Variants in TMPRSS6 observed in about 807,000 individuals in gnomAD.
The protein encoded by TMPRSS6 is transmembrane serine protease 6.
TMPRSS6 carries 67 observed loss-of-function variants against 101.5 expected under a neutral mutation model. The observed-to-expected ratio is 0.66, with a 90% CI of 0.54 to 0.81. The LOEUF (loss-of-function observed/expected upper bound fraction) is 0.81. TMPRSS6 is among the 30% of genes least tolerant of loss of function. The probability of loss-of-function intolerance (pLI) is 0.00; values close to 1 mark genes in which losing one functional copy is unlikely to be tolerated. For missense variants in TMPRSS6, 1,034 were observed against 1,088.7 expected (o/e 0.95, Z 0.71); for synonymous variants, 453 against 464.9 (o/e 0.97, Z 0.33).
chr22:37,086,746 A>G (rs1928820351), intron 7 of TMPRSS6, among the ~76,000 whole-genome samples: 1 of 151,928 alleles, frequency 6.6e-6, no homozygotes, highest in South Asian at 2.1e-4. Context: ...CCACCCTGCT[A>G]CAGAATCATC....
rs767201560 is a variant in TMPRSS6 at position 37,066,960 on chromosome 22, G to A, written c.2116C>T (p.Pro706Ser). The change falls in exon 17 of 18, where the codon CCC (proline) becomes TCC (serine). Residue 706 changes from proline to serine, a missense_variant and splice_region_variant. Pro to Ser is a moderately conservative substitution (Grantham distance 74). Coordinates refer to ENST00000676104, the MANE Select transcript of TMPRSS6 (RefSeq NM_001374504.1). ...TGWGALREGGPISNALQKVDV... is the reference protein window; with the variant it reads ...TGWGALREGGSISNALQKVDV... The stretch of plus-strand genomic sequence containing the variant: ...ACTTTCTGCAGAGCGTTGCTGATGG[G>A]GCCTGTCCGTGGTCAAGGGCAGAAG... 3 of 1,613,982 alleles carry A rather than the reference G, an allele frequency of 1.9e-6. No homozygotes were observed. The highest frequency in any genetic ancestry group is 2.2e-5 in the East Asian group (1 of 44,888).
intron 6 of TMPRSS6, among the ~76,000 whole-genome samples, chr22:37,092,155 C>T (rs955488130): frequency 1.1e-4 from 16 of 148,240 alleles, no homozygotes; most frequent in Admixed American, 2.7e-4. Context: ...TAATCAGAAA[C>T]ACCTTCAGGG....
At chr22:37,075,856 C>T (rs774399089) in intron 10 of TMPRSS6, among the ~76,000 whole-genome samples, 4 of 151,478 alleles carry the variant, frequency 2.6e-5, no homozygotes, top group Non-Finnish European at 5.9e-5. Context: ...GAGCCGAGAT[C>T]GTGCCATTGC....
intron 8 of TMPRSS6, among the ~76,000 whole-genome samples, chr22:37,085,479 C>T (rs1928664716): frequency 6.6e-6 from 1 of 152,178 alleles, no homozygotes; most frequent in Non-Finnish European, 1.5e-5. Context: ...GGCTGGGACC[C>T]TGAGTGGGAG....
intron 1 of TMPRSS6, among the ~76,000 whole-genome samples, chr22:37,109,007 C>T (rs1930895859): frequency 6.6e-6 from 1 of 152,114 alleles, no homozygotes; most frequent in Non-Finnish European, 1.5e-5. Context: ...AGATGCACGC[C>T]CTTCCTACAC....
At chr22:37,075,978 AAAGAAAGAAAGAGAAAGAAAGG>A (rs1350440741) in intron 10 of TMPRSS6, among the ~76,000 whole-genome samples, 1 of 149,040 alleles carries the variant, frequency 6.7e-6, no homozygotes, top group Non-Finnish European at 1.5e-5. Flanking sequence ...AGGGAAAAAG[AAAGAAAGAAAGAGAAAGAAAGG>A]AAGAAAGAAA....
intron 6 of TMPRSS6, among the ~76,000 whole-genome samples, chr22:37,092,406 C>T (rs1929348284): frequency 6.6e-6 from 1 of 152,220 alleles, no homozygotes; most frequent in South Asian, 2.1e-4. Flanking sequence ...CAGCTCATTG[C>T]AGCCTCGACC....
Position 37,096,072 on chromosome 22 carries a change from G to T in TMPRSS6, c.423C>A (p.Cys141Ter). 1 of 1,614,198 alleles carries T rather than the reference G, an allele frequency of 6.2e-7. No homozygotes were observed. Among genetic ancestry groups the T allele is most frequent in the Non-Finnish European group, 8.5e-7 (1 of 1,180,040 alleles). The stretch of plus-strand genomic sequence containing the variant: ...GGATTTGGAGAATGAACCAGAAGAA[G>T]CAGGTGAGGGGTCCCTCCCTAAGGC... ...VYSFGEGPLT[C>*]FFWFILQIPE... The change falls in exon 5 of 18, where the codon TGC becomes TGA. Residue 141 changes from cysteine to a stop codon, truncating the protein, a stop_gained. Transcript: ENST00000676104. LOFTEE classifies it high-confidence loss of function.
intron 6 of TMPRSS6, among the ~76,000 whole-genome samples, chr22:37,090,588 A>C (rs969517338): frequency 2.9e-4 from 44 of 152,316 alleles, no homozygotes; most frequent in African/African-American, 1.1e-3. Flanking sequence ...GCCTTCCCTC[A>C]CTGTCTCGCT....
At position 37,086,389 on chromosome 22, in the gene TMPRSS6, C is replaced by T. The variant is rs1388721179; in HGVS notation, c.867G>A (p.Val289=). 2 of 1,605,654 alleles carry T rather than the reference C, an allele frequency of 1.2e-6. No individual in the cohort carries two copies. Among genetic ancestry groups the T allele is most frequent in the South Asian group, 1.1e-5 (1 of 89,976 alleles). ...TGGCCCCCGACGCCAGAACCTCCACCACGGGCTCCTGGCGGCTGCAGCCGT... is the reference window on the plus strand; with the variant it reads ...TGGCCCCCGACGCCAGAACCTCCACTACGGGCTCCTGGCGGCTGCAGCCGT... The part of the protein sequence containing the change: ...SVYGCSRQEP[V]VEVLASGAIM... Residue 289 remains valine (V), a synonymous_variant, in exon 8 of 18, where the codon GTG becomes GTA. Transcript: ENST00000676104.
At chr22:37,082,213 C>T (rs962421309) in intron 10 of TMPRSS6, among the ~76,000 whole-genome samples, 2 of 152,164 alleles carry the variant, frequency 1.3e-5, no homozygotes, top group African/African-American at 2.4e-5. Context: ...CTCTGGGAAA[C>T]AGGAACGGCG....
At chr22:37,107,314 C>G (rs1466128542) in intron 1 of TMPRSS6, among the ~76,000 whole-genome samples, 1 of 152,180 alleles carries the variant, frequency 6.6e-6, no homozygotes, top group African/African-American at 2.4e-5. Flanking sequence ...CATTCCCATC[C>G]TCTTGGGTTT....
At chr22:37,107,432 C>T (rs1404962392) in intron 1 of TMPRSS6, among the ~76,000 whole-genome samples, 2 of 151,944 alleles carry the variant, frequency 1.3e-5, no homozygotes, top group Non-Finnish European at 2.9e-5. Flanking sequence ...GGTCCAGCAC[C>T]TTTGGAAAAG....
rs753917102 is a variant in TMPRSS6, at chr22:37,089,752, C to T, written c.662G>A (p.Gly221Asp). Residue 221 changes from glycine (G) to aspartate (D), a missense_variant, in exon 7 of 18, where the codon GGC (glycine) becomes GAC (aspartate). By Grantham distance (94) the Gly-to-Asp change is moderately conservative. Transcript: ENST00000676104. ...GCYRYSYVGQ[G>D]QVLRLKGPDH... The stretch of plus-strand genomic sequence containing the variant: ...AGGCCCCTTCAGCCGGAGGACCTGG[C>T]CCTGGCCCACGTAGCTGTAGCGGTA... The T allele has an allele frequency of 1.9e-6, 3 of 1,612,498 alleles. No homozygotes were observed. The highest frequency in any genetic ancestry group is 2.5e-6 in the Non-Finnish European group (3 of 1,179,708).
rs576965242 is a variant in TMPRSS6 at position 37,087,868 on chromosome 22, C to T, written c.837-1449G>A. ...CCCTTCTTATAAATGAAATATGGAA[C>T]GCAGAATCAAAGCACATGGTTGAAA... On this transcript the variant is annotated intron_variant, in intron 7 of 17. Coordinates refer to ENST00000676104, the MANE Select transcript of TMPRSS6 (RefSeq NM_001374504.1). 4.6e-5 allele frequency among the ~76,000 whole-genome samples: 7 copies of T among 152,048 alleles called. 1 individual carries two copies. Among genetic ancestry groups the T allele is most frequent in the Middle Eastern group, 3.4e-3 (1 of 294 alleles).
chr22:37,073,960 G>C (rs2146059222), intron 12 of TMPRSS6, among the ~76,000 whole-genome samples: 1 of 152,206 alleles, frequency 6.6e-6, no homozygotes, highest in Admixed American at 6.5e-5. Flanking sequence ...TGTTGGCCAG[G>C]CTGATCTTGA....
chr22:37,072,172 C>T lies in TMPRSS6; in HGVS notation c.1556-1140G>A, dbSNP rs374314829. Among the ~76,000 whole-genome samples, 44 of 88,526 alleles carry T rather than the reference C, an allele frequency of 5.0e-4. 1 individual carries two copies. The highest frequency in any genetic ancestry group is 1.5e-3 in the African/African-American group (34 of 23,006). 58.1% of individuals were successfully genotyped at this position (88,526 alleles called of 152,430 possible). A position where few individuals can be genotyped will look rare whatever the true frequency, so the allele number is the denominator to read the frequency against. On this transcript the variant is annotated intron_variant, in intron 13 of 17. Coordinates refer to ENST00000676104, the MANE Select transcript of TMPRSS6 (RefSeq NM_001374504.1). ...GGTGAATGGATGGATGATGGATGAA[C>T]GGATGATGGATGGATGGATGATGGA...
intron 10 of TMPRSS6, among the ~76,000 whole-genome samples, chr22:37,078,904 GAAGA>G (rs1488353874): frequency 2.8e-5 from 4 of 141,594 alleles, no homozygotes; most frequent in Non-Finnish European, 6.0e-5. Context: ...GAATAAGGAA[GAAGA>G]AAGAAGAAAG....
intron 7 of TMPRSS6, 76 bp downstream of exon 7, chr22:37,089,502 G>T: frequency 7.2e-7 from 1 of 1,390,018 alleles, no homozygotes; most frequent in Non-Finnish European, 9.9e-7. Context: ...TAAGAATGCT[G>T]TGTGTGACTT....
Sources: allele counts gnomAD v4.1 joint callset (sites outside exome capture counted in the v4.1 genomes callset), GRCh38; gene constraint gnomAD v4.1.1; transcripts MANE v1.5; gene names NCBI Gene and HGNC (gene_info 2026-07-23, HGNC 2026-07-21).